Variants in GALNT10 observed in about 807,000 individuals in gnomAD.
The protein encoded by GALNT10 is polypeptide N-acetylgalactosaminyltransferase 10.
Under a neutral mutation model 75.0 loss-of-function variants are expected in GALNT10, and 41 were observed. The ratio of observed to expected loss-of-function variants is 0.55; its 90% CI spans 0.43 to 0.71. The LOEUF is 0.71. GALNT10 is among the 30% of genes least tolerant of loss of function. The pLI, the probability that GALNT10 is intolerant of heterozygous loss-of-function variation, is 0.00. For synonymous variants in GALNT10, 302 were observed against 313.0 expected, an observed-to-expected ratio of 0.96 and a Z score of 0.37; for missense variants, 727 against 818.5, an observed-to-expected ratio of 0.89 and a Z score of 1.36.
At chr5:154,252,048 G>A (rs1753530842) in intron 1 of GALNT10, among the ~76,000 whole-genome samples, 4 of 152,034 alleles carry the variant, frequency 2.6e-5, no homozygotes, top group Admixed American at 2.6e-4. Context: ...GATACAGGAG[G>A]TAGTAGAATT....
intron 1 of GALNT10, among the ~76,000 whole-genome samples, chr5:154,228,630 T>C (rs536136103): frequency 6.6e-6 from 1 of 152,318 alleles, no homozygotes; most frequent in Middle Eastern, 3.4e-3. Context: ...TCCCATCCCA[T>C]TTACTCTTTG....
intron 3 of GALNT10, among the ~76,000 whole-genome samples, chr5:154,311,287 T>C (rs914213827): frequency 1.2e-4 from 18 of 152,252 alleles, no homozygotes; most frequent in African/African-American, 3.6e-4. Flanking sequence ...GCCAGTTGTA[T>C]CTTACTTGTT....
At chr5:154,374,413 C>T (rs993583618) in intron 4 of GALNT10, among the ~76,000 whole-genome samples, 3 of 152,192 alleles carry the variant, frequency 2.0e-5, no homozygotes, top group African/African-American at 7.2e-5. Flanking sequence ...CAATGAAGTT[C>T]CTGGTGACAA....
intron 4 of GALNT10, among the ~76,000 whole-genome samples, chr5:154,357,584 CA>C (rs1755315706): frequency 6.6e-6 from 1 of 152,204 alleles, no homozygotes; most frequent in African/African-American, 2.4e-5. Flanking sequence ...ATTTGGCCTT[CA>C]AAATAATTTT....
chr5:154,283,777 G>C (rs1177310004), intron 1 of GALNT10, among the ~76,000 whole-genome samples: 8 of 152,164 alleles, frequency 5.3e-5, no homozygotes, highest in African/African-American at 1.7e-4. Context: ...GCAGTGAGCA[G>C]CCAGCCAGCC....
chr5:154,335,348 C>T (rs1336557752), intron 4 of GALNT10, among the ~76,000 whole-genome samples: 1 of 152,112 alleles, frequency 6.6e-6, no homozygotes, highest in African/African-American at 2.4e-5. Context: ...GTTGTAAGAC[C>T]GTGAGACCAT....
chr5:154,283,292 A>AAAAC (rs1554096999), intron 1 of GALNT10, among the ~76,000 whole-genome samples: 1 of 149,974 alleles, frequency 6.7e-6, no homozygotes, highest in African/African-American at 2.4e-5. Context: ...AAAAAAAAAA[A>AAAAC]AAAAAAAAGC....
chr5:154,369,233 C>T (rs1451048232), intron 4 of GALNT10, among the ~76,000 whole-genome samples: 2 of 151,978 alleles, frequency 1.3e-5, no homozygotes, highest in Admixed American at 6.6e-5. Flanking sequence ...ACAAAAAATA[C>T]AAAAATTAGC....
chr5:154,226,644 A>G (rs1181358502), intron 1 of GALNT10, among the ~76,000 whole-genome samples: 5 of 152,194 alleles, frequency 3.3e-5, no homozygotes, highest in Non-Finnish European at 7.3e-5. Context: ...TACTTTCACC[A>G]TAATGTAGAT....
intron 3 of GALNT10, among the ~76,000 whole-genome samples, chr5:154,307,294 G>C (rs1350549386): frequency 6.6e-6 from 1 of 152,186 alleles, no homozygotes; most frequent in Non-Finnish European, 1.5e-5. Context: ...TGGGTTCACT[G>C]ATGAATTATT....
intron 1 of GALNT10, among the ~76,000 whole-genome samples, chr5:154,192,300 A>G (rs1346391075): frequency 2.6e-5 from 4 of 152,248 alleles, no homozygotes; most frequent in Admixed American, 2.0e-4. Flanking sequence ...AGCATCCCAG[A>G]GGGTCTCATT....
chr5:154,317,833 T>G (rs547030745), intron 3 of GALNT10, among the ~76,000 whole-genome samples: 14 of 152,360 alleles, frequency 9.2e-5, no homozygotes, highest in African/African-American at 1.9e-4. Context: ...CATAGCTCGA[T>G]CCGGGTCCCC....
In GALNT10 at chr5:154,409,574, G is replaced by A; in HGVS notation, c.1198G>A (p.Glu400Lys). 1 of 1,613,846 alleles carries A rather than the reference G, an allele frequency of 6.2e-7. No individual in the cohort carries two copies. The highest frequency in any genetic ancestry group is 1.3e-5 in the African/African-American group (1 of 75,032). The change falls in exon 9 of 12, where the codon GAG becomes AAG. Residue 400 changes from glutamate to lysine, a missense_variant. Transcript: ENST00000297107. The surrounding 1 kb of genome is among the most constrained non-coding windows in gnomAD (Gnocchi z 4.5). ...GCGGGTGGCCGAAGTGTGGATGGAT[G>A]AGTACGCAGAGTACATTTACCAGCG... ...LKRVAEVWMDEYAEYIYQRRP... is the reference protein window; with the variant it reads ...LKRVAEVWMDKYAEYIYQRRP...
Position 154,380,620 on chromosome 5 carries a change from C to A in GALNT10, c.927C>A (p.Ser309Arg). The A allele has an allele frequency of 6.2e-7, 1 of 1,611,158 alleles. No homozygotes were observed. The highest frequency in any genetic ancestry group is 8.5e-7 in the Non-Finnish European group (1 of 1,177,852). Residue 309 changes from serine (S) to arginine (R), a missense_variant, in exon 6 of 12, where the codon AGC becomes AGA. Coordinates refer to ENST00000297107, the MANE Select transcript of GALNT10 (RefSeq NM_198321.4). ...CAGAACTGCAGAAAGCTGACCCCAG[C>A]GACCCATTTGAGTAAGTATGAACAA... ...IPPELQKADP[S>R]DPFESPVMAG...
At chr5:154,207,194 T>C (rs1234169249) in intron 1 of GALNT10, among the ~76,000 whole-genome samples, 2 of 152,198 alleles carry the variant, frequency 1.3e-5, no homozygotes, top group Non-Finnish European at 2.9e-5. Flanking sequence ...ACATGCGCAA[T>C]ATGCGTTCAA....
chr5:154,191,031 TC>T lies in GALNT10; in HGVS notation c.159+12del, dbSNP rs1774851342. On this transcript the variant is annotated splice_region_variant and intron_variant, in intron 1 of 11. Transcript: ENST00000297107. ...TGGCGCCGGCGGCGGGACAGGTGAGTCCCCCCGTTGCTACAGGCCGGGAACA... is the reference window on the plus strand; with the variant it reads ...TGGCGCCGGCGGCGGGACAGGTGAGTCCCCCGTTGCTACAGGCCGGGAACA... 13 of 1,415,616 alleles carry T rather than the reference TC, an allele frequency of 9.2e-6. No individual in the cohort carries two copies. Among genetic ancestry groups the T allele is most frequent in the Admixed American group, 4.9e-5 (2 of 40,518 alleles). 87.7% of individuals were successfully genotyped at this position (1,415,616 alleles called of 1,614,324 possible). A position where few individuals can be genotyped will look rare whatever the true frequency, so the allele number is the denominator to read the frequency against.
At chr5:154,238,534 C>A (rs972681121) in intron 1 of GALNT10, among the ~76,000 whole-genome samples, 3 of 152,136 alleles carry the variant, frequency 2.0e-5, no homozygotes, top group Non-Finnish European at 2.9e-5. Context: ...TCTCCCCCTG[C>A]GCTTTACCCT....
intron 1 of GALNT10, among the ~76,000 whole-genome samples, chr5:154,255,713 G>A (rs1753596639): frequency 6.6e-6 from 1 of 151,944 alleles, no homozygotes; most frequent in Non-Finnish European, 1.5e-5. Context: ...GTGGCTGGCT[G>A]GAAACCAAGT....
At chr5:154,211,286 T>C in intron 1 of GALNT10, among the ~76,000 whole-genome samples, 1 of 152,176 alleles carries the variant, frequency 6.6e-6, no homozygotes, top group East Asian at 1.9e-4. Flanking sequence ...GCCCCCACTA[T>C]GGACTCTCTG....
Sources: gnomAD v4.1 joint callset for allele counts (sites outside exome capture counted in the v4.1 genomes callset) on GRCh38, gnomAD v4.1.1 for gene constraint, Gnocchi (gnomAD v3.1) non-coding constraint, MANE v1.5 for transcripts, NCBI Gene and HGNC (gene_info 2026-07-23, HGNC 2026-07-21) for gene names.